The following MEGF8 variants were observed in gnomAD, a reference collection of about 807,000 sequenced individuals.
MEGF8 encodes multiple EGF like domains 8, also known as multiple epidermal growth factor-like domains protein 8.
Under a neutral mutation model 302.9 loss-of-function variants are expected in MEGF8, and 156 were observed. The observed-to-expected ratio is 0.52, with a 90% CI of 0.45 to 0.59. The LOEUF is 0.59. Among genes scored for constraint, MEGF8 ranks in the 20% least tolerant of loss-of-function variants. The pLI is 0.00. For missense variants in MEGF8, 3,345 were observed against 3,964.5 expected, an observed-to-expected ratio of 0.84 and a Z score of 4.20; for synonymous variants, 1,621 against 1,660.5, an observed-to-expected ratio of 0.98 and a Z score of 0.58.
chr19:42,357,392 T>G lies in MEGF8; in HGVS notation c.4831-12T>G. 1 of 1,610,962 alleles carries G rather than the reference T, an allele frequency of 6.2e-7. No individual in the cohort carries two copies. The highest frequency in any genetic ancestry group is 8.5e-7 in the Non-Finnish European group (1 of 1,178,040). ...CTAGCCCCATCGGTGACCTTGCCCC[T>G]CCATCCCTCAGGCCCCCCAGACCGT... is the stretch of plus-strand genomic sequence containing the variant. On this transcript the variant is annotated splice_polypyrimidine_tract_variant and intron_variant, in intron 27 of 41. Transcript: ENST00000251268. The surrounding 1 kb of genome is among the most constrained non-coding windows in gnomAD (Gnocchi z 5.2).
rs371769004 is a variant in MEGF8, at chr19:42,326,250, C to T, written c.7C>T (p.Leu3=). The change falls in exon 1 of 42, where the codon CTG becomes TTG. Residue 3 remains leucine (L), a synonymous_variant. Coordinates refer to ENST00000251268, the MANE Select transcript of MEGF8 (RefSeq NM_001271938.2). The part of the protein sequence containing the change: MA[L]GKVLAMALVL... ...GTCAGTGCAGGAGGCGGCGATGGCC[C>T]TGGGCAAGGTTCTGGCCATGGCACT... 43 of 1,532,838 alleles carry T rather than the reference C, an allele frequency of 2.8e-5. No individual in the cohort carries two copies. The Admixed American group carries it at 3.9e-4, about 14-fold the overall frequency. The allele number at this position is 1,532,838 out of a possible 1,614,324, so 95.0% of individuals were successfully genotyped here.
In MEGF8 at chr19:42,357,740, G is replaced by C. The variant is rs2039473083; in HGVS notation, c.5011+156G>C. Among the ~76,000 whole-genome samples, 1 of 152,086 alleles carries C rather than the reference G, an allele frequency of 6.6e-6. No homozygotes were observed. The highest frequency in any genetic ancestry group is 6.5e-5 in the Admixed American group (1 of 15,272). The stretch of plus-strand genomic sequence containing the variant: ...CTCAGGGCACCCTCTTGAATGTTCA[G>C]ATTTTCTGACTGTCCTTCCCAGACT... On this transcript the variant is annotated intron_variant, in intron 28 of 41. Transcript: ENST00000251268. This position sits in a 1 kb window ranked among gnomAD's most constrained non-coding sequence, Gnocchi z 5.2.
At chr19:42,366,797 C>T (rs1469039077) in intron 35 of MEGF8, among the ~76,000 whole-genome samples, 1 of 152,196 alleles carries the variant, frequency 6.6e-6, no homozygotes. Flanking sequence ...AAAGTGCTGT[C>T]CAGGACTGAG....
rs1189853637 is a variant in MEGF8, at chr19:42,357,282, T to TG, written c.4831-115dup. 40 of 1,261,826 alleles carry TG rather than the reference T, an allele frequency of 3.2e-5. No individual in the cohort carries two copies. The highest frequency in any genetic ancestry group is 1.7e-4 in the East Asian group (7 of 42,386). The allele number at this position is 1,261,826 out of a possible 1,614,324, so 78.2% of individuals were successfully genotyped here. On this transcript the variant is annotated intron_variant, in intron 27 of 41. Transcript: ENST00000251268. The surrounding 1 kb of genome is among the most constrained non-coding windows in gnomAD (Gnocchi z 5.2). ...GGACCCAGGCTGGTCCGACTGGCCC[T>TG]GGGGGGGTCATTCCCTCCTTAGTAC...
In MEGF8 at chr19:42,376,084, T is replaced by A; in HGVS notation, c.7847T>A (p.Leu2616Gln). 1 of 1,606,172 alleles carries A rather than the reference T, an allele frequency of 6.2e-7. No individual in the cohort carries two copies. The highest frequency in any genetic ancestry group is 8.5e-7 in the Non-Finnish European group (1 of 1,179,570). The stretch of plus-strand genomic sequence containing the variant: ...AAGTCGAGCCGCTTCTACCTGCTGC[T>A]GCTGGGCGTGGGAGACCCAAGTGGG... ...ALKSSRFYLL[L>Q]LGVGDPSGPG... Residue 2616 changes from leucine (L) to glutamine (Q), a missense_variant, in exon 42 of 42, where the codon CTG (leucine) becomes CAG (glutamine). Coordinates refer to ENST00000251268, the MANE Select transcript of MEGF8 (RefSeq NM_001271938.2). The surrounding 1 kb of genome is among the most constrained non-coding windows in gnomAD (Gnocchi z 8.2).
At position 42,335,954 on chromosome 19, in the gene MEGF8, C is replaced by T. The variant is rs1162636987; in HGVS notation, c.852C>T (p.Ala284=). 15 of 1,491,146 alleles carry T rather than the reference C, an allele frequency of 1.0e-5. No individual in the cohort carries two copies. The highest frequency in any genetic ancestry group is 2.8e-5 in the African/African-American group (2 of 71,726). 92.4% of individuals were successfully genotyped at this position (1,491,146 alleles called of 1,614,324 possible). ...AGGCTGCCCGTCACTCCCATGTGGC[C>T]GTGGCCTGGGCCGGCTCCCTGGTAC... ...PAPAARHSHV[A]VAWAGSLVLM... is the part of the protein sequence containing the mutation. The change falls in exon 6 of 42, where the codon GCC becomes GCT. Residue 284 remains alanine, a synonymous_variant. Transcript: ENST00000251268.
chr19:42,354,117 T>G lies in MEGF8; in HGVS notation c.4011+93T>G. On this transcript the variant is annotated intron_variant, in intron 22 of 41. Coordinates refer to ENST00000251268, the MANE Select transcript of MEGF8 (RefSeq NM_001271938.2). The surrounding 1 kb of genome is among the most constrained non-coding windows in gnomAD (Gnocchi z 4.3). ...CCTCAGACCCTGACCCTAGTATTGC[T>G]GTTTTTTTTTTTTTGTTTTTTTAAT... 7.2e-7 allele frequency: 1 copy of G among 1,382,872 alleles called. No homozygotes were observed. The highest frequency in any genetic ancestry group is 1.5e-5 in the South Asian group (1 of 66,238). 85.7% of individuals were successfully genotyped at this position (1,382,872 alleles called of 1,614,324 possible).
In MEGF8 at chr19:42,376,035, T is replaced by C; in HGVS notation, c.7798T>C (p.Tyr2600His). ...RGVRDRLVIT[Y>H]PHEHHALKSS... ...CGTGCGGGACCGGCTGGTCATCACC[T>C]ACCCACACGAGCACCATGCCCTCAA... The change falls in exon 42 of 42, where the codon TAC (tyrosine) becomes CAC (histidine). Residue 2600 changes from tyrosine (Y) to histidine (H), a missense_variant. Tyr to His is a moderately conservative substitution (Grantham distance 83). Transcript: ENST00000251268. This position sits in a 1 kb window ranked among gnomAD's most constrained non-coding sequence, Gnocchi z 8.2. 6.2e-7 allele frequency: 1 copy of C among 1,604,140 alleles called. No homozygotes were observed. The highest frequency in any genetic ancestry group is 8.5e-7 in the Non-Finnish European group (1 of 1,177,706).
intron 1 of MEGF8, among the ~76,000 whole-genome samples, chr19:42,331,539 C>T (rs974049887): frequency 6.6e-6 from 1 of 151,832 alleles, no homozygotes; most frequent in Non-Finnish European, 1.5e-5. Flanking sequence ...TAGTGGCACT[C>T]TCCACGATAT....
Position 42,355,789 on chromosome 19 carries a change from C to G in MEGF8, c.4176C>G (p.Gly1392=). The change falls in exon 24 of 42, where the codon GGC becomes GGG. Residue 1392 remains glycine (G), a synonymous_variant. Transcript: ENST00000251268. ...GLLVLHWEAN[G]SSSWGFNASV... is the part of the protein sequence containing the mutation. ...TCGTGCTGCACTGGGAGGCCAATGG[C>G]TCCTCATCCTGGGGCTTCAATGCTT... The G allele has an allele frequency of 6.3e-7, 1 of 1,581,570 alleles. No individual in the cohort carries two copies. Among genetic ancestry groups the G allele is most frequent in the African/African-American group, 1.3e-5 (1 of 74,506 alleles).
At chr19:42,365,603 C>CAAA (rs549607065) in intron 35 of MEGF8, among the ~76,000 whole-genome samples, 2 of 53,072 alleles carry the variant, frequency 3.8e-5, no homozygotes, top group South Asian at 5.0e-4. Flanking sequence ...CTCATCTCTA[C>CAAA]AAAAAAAAAA....
At chr19:42,355,316 C>T (rs1270190818) in intron 23 of MEGF8, among the ~76,000 whole-genome samples, 1 of 151,996 alleles carries the variant, frequency 6.6e-6, no homozygotes, top group Admixed American at 6.6e-5. Flanking sequence ...TCAAGTAATT[C>T]CTGTCACACC....
Position 42,376,312 on chromosome 19 carries a change from T to G in MEGF8, c.8075T>G (p.Met2692Arg). 2 of 1,613,598 alleles carry G rather than the reference T, an allele frequency of 1.2e-6. No individual in the cohort carries two copies. Among genetic ancestry groups the G allele is most frequent in the East Asian group, 2.2e-5 (1 of 44,884 alleles). ...QRRHLQEMTKMASRPFAKVTV... is the reference protein window; with the variant it reads ...QRRHLQEMTKRASRPFAKVTV... The stretch of plus-strand genomic sequence containing the variant: ...CGGCACTTGCAGGAGATGACCAAGA[T>G]GGCCAGCCGCCCCTTCGCCAAGGTC... The change falls in exon 42 of 42, where the codon ATG (methionine) becomes AGG (arginine). Residue 2692 changes from methionine to arginine, a missense_variant. Transcript: ENST00000251268. The surrounding 1 kb of genome is among the most constrained non-coding windows in gnomAD (Gnocchi z 8.2).
At position 42,335,230 on chromosome 19, in the gene MEGF8, C is replaced by G. The variant is rs762604926; in HGVS notation, c.739+15C>G. The G allele has an allele frequency of 1.9e-6, 3 of 1,613,962 alleles. No individual in the cohort carries two copies. Among genetic ancestry groups the G allele is most frequent in the Non-Finnish European group, 2.5e-6 (3 of 1,179,874 alleles). On this transcript the variant is annotated intron_variant, in intron 4 of 41. Transcript: ENST00000251268. ...AGTTTTCGGAGGTGAGCAGATGGGGCGAGTATCTGGGATCTGGAGGCCCGG... is the reference window on the plus strand; with the variant it reads ...AGTTTTCGGAGGTGAGCAGATGGGGGGAGTATCTGGGATCTGGAGGCCCGG...
intron 41 of MEGF8, among the ~76,000 whole-genome samples, chr19:42,372,875 G>A (rs2039711430): frequency 6.6e-6 from 1 of 151,972 alleles, no homozygotes; most frequent in Admixed American, 6.6e-5. Flanking sequence ...GTTTCACCAT[G>A]TTGCCCAGGC....
At chr19:42,365,772 T>TAA (rs771190592) in intron 35 of MEGF8, among the ~76,000 whole-genome samples, 2 of 57,668 alleles carry the variant, frequency 3.5e-5, no homozygotes, top group African/African-American at 6.3e-5. Flanking sequence ...ACCCCGTCTC[T>TAA]AAAAAAAAAA....
Position 42,354,107 on chromosome 19 carries a change from C to A in MEGF8, c.4011+83C>A. The A allele has an allele frequency of 7.0e-7, 1 of 1,419,608 alleles. No homozygotes were observed. Among genetic ancestry groups the A allele is most frequent in the Non-Finnish European group, 9.3e-7 (1 of 1,074,392 alleles). The allele number at this position is 1,419,608 out of a possible 1,614,324, so 87.9% of individuals were successfully genotyped here. A position where few individuals can be genotyped will look rare whatever the true frequency, so the allele number is the denominator to read the frequency against. ...CAGCCTGCATCCTCAGACCCTGACC[C>A]TAGTATTGCTGTTTTTTTTTTTTTG... On this transcript the variant is annotated intron_variant, in intron 22 of 41. Coordinates refer to ENST00000251268, the MANE Select transcript of MEGF8 (RefSeq NM_001271938.2). The surrounding 1 kb of genome is among the most constrained non-coding windows in gnomAD (Gnocchi z 4.3).
Position 42,368,852 on chromosome 19 carries a change from G to A in MEGF8, c.6491G>A (p.Cys2164Tyr). 1 of 1,613,638 alleles carries A rather than the reference G, an allele frequency of 6.2e-7. No homozygotes were observed. Among genetic ancestry groups the A allele is most frequent in the Non-Finnish European group, 8.5e-7 (1 of 1,179,794 alleles). Residue 2164 changes from cysteine (C) to tyrosine (Y), a missense_variant, in exon 37 of 42, where the codon TGT (cysteine) becomes TAT (tyrosine). Physicochemically the swap from Cys to Tyr is radical, Grantham distance 194. Transcript: ENST00000251268. The surrounding 1 kb of genome is among the most constrained non-coding windows in gnomAD (Gnocchi z 4.9). ...ATATCCCCGGTGCTAGGGCTGACAT[G>A]TGGGCGTCCGGGGGCCTCCTGGGCC... The part of the protein sequence containing the change: ...GLSGPRDGLT[C>Y]GRPGASWAFL...
chr19:42,352,457 G>A lies in MEGF8; in HGVS notation c.3350+1G>A, dbSNP rs757386800. ...ATGGCATCTCACACTGCAACCGCAC[G>A]TGAGTGAGGCGGGGGTTGCTATGGA... On this transcript the variant is annotated splice_donor_variant, in intron 19 of 41. Coordinates refer to ENST00000251268, the MANE Select transcript of MEGF8 (RefSeq NM_001271938.2). LOFTEE classifies it high-confidence loss of function. This position sits in a 1 kb window ranked among gnomAD's most constrained non-coding sequence, Gnocchi z 4.4. 5 of 1,589,046 alleles carry A rather than the reference G, an allele frequency of 3.1e-6. No homozygotes were observed. Among genetic ancestry groups the A allele is most frequent in the Non-Finnish European group, 2.6e-6 (3 of 1,165,350 alleles).
Sources: allele counts gnomAD v4.1 joint callset (sites outside exome capture counted in the v4.1 genomes callset), GRCh38; gene constraint gnomAD v4.1.1; non-coding constraint Gnocchi (gnomAD v3.1); transcripts MANE v1.5; gene names NCBI Gene and HGNC (gene_info 2026-07-23, HGNC 2026-07-21).